Variants in TEX9 observed in about 807,000 individuals in gnomAD.
TEX9 encodes the protein testis expressed 9.
A neutral mutation model predicts 59.6 loss-of-function variants in TEX9; 74 were observed. The ratio of observed to expected loss-of-function variants is 1.24; its 90% CI spans 1.03 to 1.51. The LOEUF (loss-of-function observed/expected upper bound fraction) is 1.51. Ranked by LOEUF, TEX9 falls within the 40% of genes most tolerant of loss-of-function variation. The pLI, the probability that TEX9 is intolerant of heterozygous loss-of-function variation, is 0.00. For missense variants in TEX9, 522 were observed against 447.8 expected, an observed-to-expected ratio of 1.17 and a Z score of -1.49; for synonymous variants, 186 against 152.2, an observed-to-expected ratio of 1.22 and a Z score of -1.64.
intron 1 of TEX9, among the ~76,000 whole-genome samples, chr15:56,331,729 T>C (rs2046149361): frequency 6.6e-6 from 1 of 152,060 alleles, no homozygotes; most frequent in Non-Finnish European, 1.5e-5. Context: ...CAGTAATGCA[T>C]GTTAAAGAAC....
chr15:56,333,466 C>G (rs1034163150), intron 1 of TEX9, among the ~76,000 whole-genome samples: 1 of 87,788 alleles, frequency 1.1e-5, no homozygotes, highest in Non-Finnish European at 2.3e-5. Flanking sequence ...AAATTCAACA[C>G]TCCTTCATGA....
At chr15:56,353,067 T>C (rs749304350) in intron 1 of TEX9, among the ~76,000 whole-genome samples, 19 of 152,206 alleles carry the variant, frequency 1.2e-4, no homozygotes, top group South Asian at 2.1e-4. Flanking sequence ...ATTTAGGTGC[T>C]CACAGCCCCT....
At chr15:56,313,654 C>G (rs1304188347) in intron 1 of TEX9, among the ~76,000 whole-genome samples, 1 of 136,352 alleles carries the variant, frequency 7.3e-6, no homozygotes, top group African/African-American at 2.7e-5. Flanking sequence ...CAGAATGATG[C>G]TGGCCTCATA....
upstream of TEX9, among the ~76,000 whole-genome samples, chr15:56,362,587 T>C (rs937989010): frequency 6.6e-6 from 1 of 152,254 alleles, no homozygotes; most frequent in African/African-American, 2.4e-5. Flanking sequence ...TATTTACCCA[T>C]ATAAAGTGTA....
At chr15:56,356,620 C>T (rs1302049833) in intron 1 of TEX9, among the ~76,000 whole-genome samples, 1 of 152,076 alleles carries the variant, frequency 6.6e-6, no homozygotes, top group African/African-American at 2.4e-5. Flanking sequence ...AATGAGTGCA[C>T]AGTTCTAAAC....
chr15:56,274,502 T>C (rs1567070053), intron 1 of TEX9: 1 of 152,200 alleles, frequency 6.6e-6, no homozygotes, highest in East Asian at 1.9e-4. Flanking sequence ...GTTCATTTTT[T>C]CTTGCTTTTA....
chr15:56,357,901 A>T (rs1444682354), intron 1 of TEX9, among the ~76,000 whole-genome samples: 1 of 152,170 alleles, frequency 6.6e-6, no homozygotes. Context: ...AAGTCTAAAT[A>T]TTTGTTATTT....
chr15:56,323,059 G>A, intron 1 of TEX9: 1 of 176,174 alleles, frequency 5.7e-6, no homozygotes, highest in Non-Finnish European at 1.2e-5. Flanking sequence ...TGGGGCAAGT[G>A]AGAGCTGGAT....
chr15:56,392,694 A>G (rs2048275045), intron 7 of TEX9, among the ~76,000 whole-genome samples: 1 of 152,182 alleles, frequency 6.6e-6, no homozygotes, highest in Admixed American at 6.6e-5. Flanking sequence ...TGCACTTACT[A>G]TATTTACTGA....
At chr15:56,372,949 G>T (rs1316401861) in intron 2 of TEX9, among the ~76,000 whole-genome samples, 2 of 152,130 alleles carry the variant, frequency 1.3e-5, no homozygotes, top group Non-Finnish European at 2.9e-5. Flanking sequence ...TATCTGAGGT[G>T]TGAGCCACGT....
chr15:56,437,798 CACA>C (rs761654137), intron 12 of TEX9, among the ~76,000 whole-genome samples: 1 of 152,164 alleles, frequency 6.6e-6, no homozygotes, highest in Non-Finnish European at 1.5e-5. Context: ...GTACAAAAAT[CACA>C]AGCATTCTTA....
At chr15:56,278,610 C>T (rs909471590) in intron 1 of TEX9, among the ~76,000 whole-genome samples, 6 of 152,172 alleles carry the variant, frequency 3.9e-5, no homozygotes, top group African/African-American at 1.4e-4. Flanking sequence ...ATTTTTGAAG[C>T]AGTTCTTCCT....
chr15:56,302,593 G>T (rs190774767), intron 1 of TEX9, among the ~76,000 whole-genome samples: 1 of 151,684 alleles, frequency 6.6e-6, no homozygotes, highest in Non-Finnish European at 1.5e-5. Flanking sequence ...AAAACATACT[G>T]CCAGAAAAAA....
At chr15:56,341,760 A>C (rs2046376162) in intron 1 of TEX9, among the ~76,000 whole-genome samples, 1 of 152,212 alleles carries the variant, frequency 6.6e-6, no homozygotes, top group Admixed American at 6.5e-5. Context: ...GTGGATATAA[A>C]TATGCAAAAA....
At chr15:56,400,197 A>G (rs1165279739) in intron 9 of TEX9, among the ~76,000 whole-genome samples, 2 of 152,214 alleles carry the variant, frequency 1.3e-5, no homozygotes, top group African/African-American at 4.8e-5. Context: ...CTAAAGGATC[A>G]TGATGTTCTA....
At chr15:56,338,878 A>G (rs1398805656) in intron 1 of TEX9, among the ~76,000 whole-genome samples, 1 of 152,046 alleles carries the variant, frequency 6.6e-6, no homozygotes, top group Non-Finnish European at 1.5e-5. Context: ...AGATCACACC[A>G]TTGGTCTCCA....
chr15:56,446,953 A>G (rs200977062), downstream of TEX9: 5 of 1,572,308 alleles, frequency 3.2e-6, no homozygotes, highest in Admixed American at 6.7e-5. Context: ...GCTGTTTAAA[A>G]AAACAAAAAC....
chr15:56,281,146 G>C (rs1393363379), intron 1 of TEX9, among the ~76,000 whole-genome samples: 3 of 152,144 alleles, frequency 2.0e-5, no homozygotes, highest in Non-Finnish European at 2.9e-5. Flanking sequence ...TGAATATAAG[G>C]GTTCCTATAT....
In TEX9 at chr15:56,315,346, G is replaced by C. The variant is rs1247857468; in HGVS notation, c.-106-58095G>C. Among the ~76,000 whole-genome samples the C allele has an allele frequency of 6.8e-5, 10 of 146,282 alleles. 1 individual carries two copies. The highest frequency in any genetic ancestry group is 2.1e-4 in the Admixed American group (3 of 14,174). ...CAGGAGCTCTTGTAAGGCAGGCCTG[G>C]TGGTGACAAAATCTCTCAGCATTTG... On this transcript the variant is annotated intron_variant, in intron 1 of 5. Transcript: ENST00000560827.
Sources: gnomAD v4.1 joint callset for allele counts (sites outside exome capture counted in the v4.1 genomes callset) on GRCh38, gnomAD v4.1.1 for gene constraint, MANE v1.5 for transcripts, NCBI Gene and HGNC (gene_info 2026-07-23, HGNC 2026-07-21) for gene names.